Variants in NETO1 observed in about 807,000 individuals in gnomAD.
The protein encoded by NETO1 is neuropilin and tolloid like 1.
A neutral mutation model predicts 61.3 loss-of-function variants in NETO1; 26 were observed. The observed-to-expected ratio is 0.42, with a 90% confidence interval of 0.31 to 0.59. NETO1 has a LOEUF of 0.59. Among genes scored for constraint, NETO1 ranks in the 20% least tolerant of loss-of-function variants. The pLI, the probability that NETO1 is intolerant of heterozygous loss-of-function variation, is 0.12. For missense variants in NETO1, 531 were observed against 662.8 expected (o/e 0.80, Z 2.18); for synonymous variants, 225 against 225.8 (o/e 1.00, Z 0.03).
chr18:72,830,451 A>G lies in NETO1; in HGVS notation c.469+28375T>C, dbSNP rs1231513655. Among the ~76,000 whole-genome samples, 1 of 152,178 alleles carries G rather than the reference A, an allele frequency of 6.6e-6. No homozygotes were observed. The highest frequency in any genetic ancestry group is 1.5e-5 in the Non-Finnish European group (1 of 68,030). On this transcript the variant is annotated intron_variant, in intron 4 of 10. Coordinates refer to ENST00000327305, the MANE Select transcript of NETO1 (RefSeq NM_138966.5). The surrounding 1 kb of genome is among the most constrained non-coding windows in gnomAD (Gnocchi z 4.9). ...TCACCTTTGCTGGGCGGTGAAAGGG[A>G]CCAGGGCATCTAAACAAGGAGTCCA... is the stretch of plus-strand genomic sequence containing the variant.
intron 6 of NETO1, among the ~76,000 whole-genome samples, chr18:72,792,958 T>A (rs2072175709): frequency 6.6e-6 from 1 of 152,158 alleles, no homozygotes; most frequent in Admixed American, 6.5e-5. Flanking sequence ...TCCTGGCAGC[T>A]GTACGATTCT....
intron 4 of NETO1, among the ~76,000 whole-genome samples, chr18:72,820,160 T>C (rs185817796): frequency 2.6e-5 from 4 of 152,348 alleles, no homozygotes; most frequent in African/African-American, 9.6e-5. Flanking sequence ...TTTTGACACA[T>C]GGAGAGTCCT....
intron 4 of NETO1, among the ~76,000 whole-genome samples, chr18:72,804,144 C>A (rs1356514706): frequency 6.6e-6 from 1 of 151,884 alleles, no homozygotes; most frequent in African/African-American, 2.4e-5. Context: ...TTAAAATATA[C>A]TCAGTTTAAA....
At chr18:72,813,791 C>T (rs1001720965) in intron 4 of NETO1, among the ~76,000 whole-genome samples, 12 of 151,900 alleles carry the variant, frequency 7.9e-5, no homozygotes, top group African/African-American at 2.7e-4. Context: ...AGGCAAGACA[C>T]AGTGAGACAC....
intron 7 of NETO1, 152 bp from the exon 8 acceptor site, chr18:72,756,299 G>A (rs773124111): frequency 5.7e-5 from 30 of 527,140 alleles, no homozygotes; most frequent in Non-Finnish European, 8.3e-5. Context: ...AAACGGTGCC[G>A]TAGTGGTAAT....
At position 72,749,095 on chromosome 18, in the gene NETO1, T is replaced by C. The variant is rs1446503287; in HGVS notation, c.1542-7A>G. ...AGACCCAATGAGGCAGAACCTGGAA[T>C]GTTATGGCTATTTCATTCAACAAAG... On this transcript the variant is annotated splice_polypyrimidine_tract_variant and splice_region_variant and intron_variant, in intron 9 of 10. Coordinates refer to ENST00000327305, the MANE Select transcript of NETO1 (RefSeq NM_138966.5). 4 of 1,545,114 alleles carry C rather than the reference T, an allele frequency of 2.6e-6. No homozygotes were observed. The highest frequency in any genetic ancestry group is 1.4e-5 in the African/African-American group (1 of 73,346).
In NETO1 at chr18:72,830,903, C is replaced by T. The variant is rs1046151087; in HGVS notation, c.469+27923G>A. ...CTCTGAACATTGAGTTTTCATTTAC[C>T]ACTGCAGGAAAAACTGTACTTGATA... On this transcript the variant is annotated intron_variant, in intron 4 of 10. Coordinates refer to ENST00000327305, the MANE Select transcript of NETO1 (RefSeq NM_138966.5). This position sits in a 1 kb window ranked among gnomAD's most constrained non-coding sequence, Gnocchi z 4.9. Among the ~76,000 whole-genome samples the T allele has an allele frequency of 2.6e-5, 4 of 151,982 alleles. No individual in the cohort carries two copies. Among genetic ancestry groups the T allele is most frequent in the African/African-American group, 9.7e-5 (4 of 41,368 alleles).
intron 3 of NETO1, among the ~76,000 whole-genome samples, chr18:72,860,353 T>G (rs952942477): frequency 6.6e-6 from 1 of 152,116 alleles, no homozygotes; most frequent in African/African-American, 2.4e-5. Context: ...CCACACCCCA[T>G]TGCTTCTTAA....
intron 6 of NETO1, among the ~76,000 whole-genome samples, chr18:72,793,864 C>T (rs182168668): frequency 2.6e-5 from 4 of 152,256 alleles, no homozygotes; most frequent in East Asian, 1.9e-4. Context: ...TCAGAGAGGT[C>T]GACTTACCTT....
intron 4 of NETO1, among the ~76,000 whole-genome samples, chr18:72,846,226 C>T (rs1234353261): frequency 1.3e-5 from 2 of 151,512 alleles, no homozygotes; most frequent in Non-Finnish European, 2.9e-5. Context: ...GAGATGCGGC[C>T]AGGCGCTGTG....
intron 3 of NETO1, 98 bp from the exon 4 acceptor site, chr18:72,859,172 C>A: frequency 8.3e-7 from 1 of 1,199,040 alleles, no homozygotes; most frequent in South Asian, 1.7e-5. Flanking sequence ...CATCTTCTCT[C>A]AAACTTTATG....
chr18:72,837,629 T>C (rs1056206018), intron 4 of NETO1, among the ~76,000 whole-genome samples: 5 of 152,204 alleles, frequency 3.3e-5, no homozygotes, highest in Admixed American at 6.5e-5. Flanking sequence ...AATATAGGAA[T>C]ATAGTTATAT....
At chr18:72,782,549 A>G (rs1037955550) in intron 7 of NETO1, among the ~76,000 whole-genome samples, 1 of 152,184 alleles carries the variant, frequency 6.6e-6, no homozygotes, top group African/African-American at 2.4e-5. Context: ...TCATGCCTCT[A>G]ATCCCAGCAC....
Position 72,746,199 on chromosome 18 carries a change from A to C in NETO1, c.*1980T>G, listed in dbSNP as rs2070428294. On this transcript the variant is annotated 3_prime_UTR_variant, in exon 11 of 11. Coordinates refer to ENST00000327305, the MANE Select transcript of NETO1 (RefSeq NM_138966.5). ...ACAAATAAAAAATCTTGACAGTTATATCATACTTTTGAGATTATCATTCAA... is the reference window on the plus strand; with the variant it reads ...ACAAATAAAAAATCTTGACAGTTATCTCATACTTTTGAGATTATCATTCAA... Among the ~76,000 whole-genome samples the C allele has an allele frequency of 1.3e-5, 2 of 152,184 alleles. No individual in the cohort carries two copies. Among genetic ancestry groups the C allele is most frequent in the African/African-American group, 4.8e-5 (2 of 41,446 alleles).
chr18:72,816,132 A>G (rs2073026761), intron 4 of NETO1, among the ~76,000 whole-genome samples: 1 of 145,158 alleles, frequency 6.9e-6, no homozygotes, highest in Non-Finnish European at 1.5e-5. Context: ...CTATCTCTCC[A>G]GCCTGGAATT....
intron 1 of NETO1, chr18:72,865,506 C>T: frequency 6.5e-7 from 1 of 1,544,702 alleles, no homozygotes; most frequent in Non-Finnish European, 8.9e-7. Flanking sequence ...CTAAAGGCAA[C>T]ATGTCAATTT....
chr18:72,777,708 A>C (rs962692585), intron 7 of NETO1, among the ~76,000 whole-genome samples: 6 of 152,172 alleles, frequency 3.9e-5, no homozygotes, highest in Non-Finnish European at 7.3e-5. Context: ...GCGCCACTGC[A>C]CTCCAGCCTG....
At chr18:72,824,586 C>T (rs768074830) in intron 4 of NETO1, among the ~76,000 whole-genome samples, 78 of 152,128 alleles carry the variant, frequency 5.1e-4, no homozygotes, top group South Asian at 2.1e-3. Flanking sequence ...GATTTGGTGC[C>T]GGGCGTGGTG....
At chr18:72,814,648 G>A (rs1336292674) in intron 4 of NETO1, among the ~76,000 whole-genome samples, 8 of 152,008 alleles carry the variant, frequency 5.3e-5, no homozygotes, top group South Asian at 2.1e-4. Flanking sequence ...TTAGGGAAAC[G>A]TAACTGTTTA....
Sources: gnomAD v4.1 joint callset for allele counts (sites outside exome capture counted in the v4.1 genomes callset) on GRCh38, gnomAD v4.1.1 for gene constraint, Gnocchi (gnomAD v3.1) non-coding constraint, MANE v1.5 for transcripts, NCBI Gene and HGNC (gene_info 2026-07-23, HGNC 2026-07-21) for gene names.